The following GDAP1 variants were observed in gnomAD, a reference collection of about 807,000 sequenced individuals.
The protein encoded by GDAP1 is ganglioside-induced differentiation-associated protein 1.
Under a neutral mutation model 40.1 loss-of-function variants are expected in GDAP1, and 34 were observed. The observed-to-expected ratio is 0.85, with a 90% CI of 0.64 to 1.13. The LOEUF (loss-of-function observed/expected upper bound fraction) is 1.13. Ranked by LOEUF, GDAP1 falls within the 50% of genes most tolerant of loss-of-function variation. The probability of loss-of-function intolerance (pLI) is 0.00; values close to 1 mark genes in which losing one functional copy is unlikely to be tolerated. For missense variants in GDAP1, 374 were observed against 433.7 expected, an observed-to-expected ratio of 0.86 and a Z score of 1.22; for synonymous variants, 170 against 157.4, an observed-to-expected ratio of 1.08 and a Z score of -0.60.
chr8:74,410,879 G>A (rs9774363), intron 2 of GDAP1, among the ~76,000 whole-genome samples: 73,509 of 149,648 alleles, frequency 0.49, 19,568 homozygotes, highest in East Asian at 0.58. Context: ...TTTACACATA[G>A]CATATGATAT....
chr8:74,361,761 G>T, intron 3 of GDAP1, 123 bp from the exon 4 acceptor site: 1 of 709,908 alleles, frequency 1.4e-6, no homozygotes, highest in Non-Finnish European at 2.6e-6. Context: ...TAAGCCCAAG[G>T]CAGAGAAGCA....
intron 2 of GDAP1, among the ~76,000 whole-genome samples, chr8:74,424,336 A>G (rs1347613382): frequency 1.3e-5 from 2 of 152,156 alleles, no homozygotes; most frequent in African/African-American, 4.8e-5. Flanking sequence ...ACCCATGGAT[A>G]TGAAGGGCTG....
chr8:74,468,879 G>T (rs920274317), intron 2 of GDAP1, among the ~76,000 whole-genome samples: 2 of 152,080 alleles, frequency 1.3e-5, no homozygotes, highest in Non-Finnish European at 2.9e-5. Context: ...TTCTCCTGTT[G>T]TCTTTAGTGG....
intron 2 of GDAP1, among the ~76,000 whole-genome samples, chr8:74,467,122 T>A (rs1184717637): frequency 2.0e-5 from 3 of 152,198 alleles, no homozygotes; most frequent in Non-Finnish European, 4.4e-5. Context: ...TGTTTCTGTC[T>A]TCTCAGTGAA....
intron 2 of GDAP1, among the ~76,000 whole-genome samples, chr8:74,374,751 G>T (rs949806325): frequency 2.0e-5 from 3 of 151,966 alleles, no homozygotes; most frequent in Non-Finnish European, 4.4e-5. Flanking sequence ...AGATGAAATT[G>T]ACAAATTTCT....
chr8:74,373,558 C>T (rs1057227881), intron 2 of GDAP1, among the ~76,000 whole-genome samples: 22 of 152,148 alleles, frequency 1.4e-4, no homozygotes, highest in Non-Finnish European at 2.5e-4. Flanking sequence ...GCTCTCTGTT[C>T]GTCTGTTATT....
intron 2 of GDAP1, among the ~76,000 whole-genome samples, chr8:74,450,783 G>T (rs1806291500): frequency 1.3e-5 from 1 of 76,464 alleles, no homozygotes; most frequent in Non-Finnish European, 2.6e-5. Flanking sequence ...TGATATGTTT[G>T]GATTTATGTC....
chr8:74,456,059 C>T (rs1481324345), intron 2 of GDAP1, among the ~76,000 whole-genome samples: 5 of 151,916 alleles, frequency 3.3e-5, no homozygotes. Context: ...AATGCAATTT[C>T]ATCCCTACGA....
chr8:74,467,559 C>A (rs1312580131), intron 2 of GDAP1, among the ~76,000 whole-genome samples: 1 of 152,142 alleles, frequency 6.6e-6, no homozygotes, highest in Non-Finnish European at 1.5e-5. Context: ...GCAGTGCAAT[C>A]AGTAGGGCCT....
chr8:74,354,035 C>T (rs140476958), intron 2 of GDAP1, among the ~76,000 whole-genome samples: 103 of 152,106 alleles, frequency 6.8e-4, no homozygotes, highest in Admixed American at 1.5e-3. Context: ...TTTGCGATTA[C>T]GTTACATATA....
chr8:74,354,924 G>C (rs955211524), intron 2 of GDAP1, among the ~76,000 whole-genome samples: 12 of 152,224 alleles, frequency 7.9e-5, no homozygotes, highest in African/African-American at 2.4e-4. Context: ...CTAAAGAACA[G>C]AATGTAGTGA....
downstream of GDAP1, among the ~76,000 whole-genome samples, chr8:74,368,469 A>G (rs1809696825): frequency 6.6e-6 from 1 of 152,238 alleles, no homozygotes; most frequent in South Asian, 2.1e-4. Context: ...TATGAACTAT[A>G]AATAATTAGC....
intron 2 of GDAP1, among the ~76,000 whole-genome samples, chr8:74,444,214 GCA>G (rs1281652112): frequency 3.7e-3 from 4 of 1,070 alleles, no homozygotes; most frequent in South Asian, 0.029. Context: ...ACACACGCGC[GCA>G]CACACACACA....
Position 74,401,633 on chromosome 8 carries a change from T to C in GDAP1, c.165+50312T>C, listed in dbSNP as rs939979509. Reference sequence around the variant, plus strand: ...CTTTGGAGGAGGAGAGGCGCTCTGCTTTTTAGAGTTTCCAGTTTTTCTGCT... The same window carrying C: ...CTTTGGAGGAGGAGAGGCGCTCTGCCTTTTAGAGTTTCCAGTTTTTCTGCT... On this transcript the variant is annotated intron_variant, in intron 2 of 2. Transcript: ENST00000523640. Among the ~76,000 whole-genome samples, 23 of 150,000 alleles carry C rather than the reference T, an allele frequency of 1.5e-4. 1 individual carries two copies. The highest frequency in any genetic ancestry group is 1.0e-4 in the Non-Finnish European group (7 of 68,036).
chr8:74,398,210 C>A (rs571123386), intron 2 of GDAP1, among the ~76,000 whole-genome samples: 5 of 152,200 alleles, frequency 3.3e-5, no homozygotes, highest in African/African-American at 2.4e-5. Context: ...GTTCATGTAC[C>A]ATTATGTAAT....
In GDAP1 at chr8:74,413,065, CAAAAA is replaced by C. The variant is rs71269990; in HGVS notation, c.165+61763_165+61767del. Among the ~76,000 whole-genome samples the C allele has an allele frequency of 3.0e-4, 17 of 57,156 alleles. 1 individual carries two copies. Among genetic ancestry groups the C allele is most frequent in the Non-Finnish European group, 8.1e-5 (3 of 37,100 alleles). The allele number at this position is 57,156 out of a possible 152,430, so 37.5% of individuals were successfully genotyped here. On this transcript the variant is annotated intron_variant, in intron 2 of 2. Coordinates refer to the GDAP1 transcript ENST00000523640. The stretch of plus-strand genomic sequence containing the variant: ...CTGGCGATAAAGCGAGACTCTGTCT[CAAAAA>C]AAAAAAAAAAAAAAAAAAGATTTCT...
At chr8:74,479,094 T>G (rs1025377080) in intron 2 of GDAP1, among the ~76,000 whole-genome samples, 1 of 152,218 alleles carries the variant, frequency 6.6e-6, no homozygotes, top group Admixed American at 6.5e-5. Flanking sequence ...TCAGCCATCT[T>G]GGTGACATAA....
chr8:74,398,277 A>G (rs1258761392), intron 2 of GDAP1, among the ~76,000 whole-genome samples: 2 of 152,144 alleles, frequency 1.3e-5, no homozygotes, highest in African/African-American at 4.8e-5. Flanking sequence ...ATCTGAGACT[A>G]GGATTGCAAC....
At chr8:74,474,004 A>T (rs193300927) in intron 2 of GDAP1, among the ~76,000 whole-genome samples, 1 of 152,226 alleles carries the variant, frequency 6.6e-6, no homozygotes, top group Admixed American at 6.5e-5. Flanking sequence ...CTCATTGTAG[A>T]GATCTTTCAC....
Sources: allele counts gnomAD v4.1 joint callset (sites outside exome capture counted in the v4.1 genomes callset), GRCh38; gene constraint gnomAD v4.1.1; transcripts MANE v1.5; gene names NCBI Gene and HGNC (gene_info 2026-07-23, HGNC 2026-07-21).